Variants in HECA observed in about 807,000 individuals in gnomAD.
HECA encodes headcase protein homolog.
HECA carries 13 observed loss-of-function variants against 37.6 expected under a neutral mutation model. That is an observed-to-expected ratio of 0.35 (90% CI 0.23 to 0.55). HECA has a LOEUF of 0.55. Ranked by LOEUF, HECA falls within the 20% of genes least tolerant of loss-of-function variation. HECA has a pLI of 0.90. For synonymous variants in HECA, 307 were observed against 291.5 expected, an observed-to-expected ratio of 1.05 and a Z score of -0.54; for missense variants, 527 against 701.9, an observed-to-expected ratio of 0.75 and a Z score of 2.82.
In HECA at chr6:139,176,812, A is replaced by T. The variant is rs1582952524; in HGVS notation, c.1468-129A>T. On this transcript the variant is annotated intron_variant, in intron 3 of 3. Transcript: ENST00000367658. The surrounding 1 kb of genome is among the most constrained non-coding windows in gnomAD (Gnocchi z 4.5). ...AGTCTTTCAGGTATACCCCGTTTCC[A>T]TGTTTTTGGTAGTAAAAGGGATGCT... is the stretch of plus-strand genomic sequence containing the variant. The T allele has an allele frequency of 6.2e-6, 4 of 643,354 alleles. No homozygotes were observed. The highest frequency in any genetic ancestry group is 1.1e-5 in the Non-Finnish European group (4 of 360,674). 39.9% of individuals were successfully genotyped at this position (643,354 alleles called of 1,614,324 possible). A position where few individuals can be genotyped will look rare whatever the true frequency, so the allele number is the denominator to read the frequency against.
intron 1 of HECA, among the ~76,000 whole-genome samples, chr6:139,147,424 G>A (rs571245901): frequency 1.3e-4 from 20 of 152,028 alleles, no homozygotes; most frequent in Admixed American, 1.0e-3. Context: ...CCAGGAGTTC[G>A]AAACCAGCCT....
intron 1 of HECA, among the ~76,000 whole-genome samples, chr6:139,138,253 TC>T (rs558958600): frequency 6.6e-6 from 1 of 152,194 alleles, no homozygotes; most frequent in Non-Finnish European, 1.5e-5. Flanking sequence ...ATTCTCAAAA[TC>T]AACTAAGGAC....
At chr6:139,171,751 C>T (rs746034440) in intron 2 of HECA, among the ~76,000 whole-genome samples, 1 of 152,118 alleles carries the variant, frequency 6.6e-6, no homozygotes, top group Non-Finnish European at 1.5e-5. Flanking sequence ...CCCAGCTTCT[C>T]CAGTAGCTAG....
At chr6:139,160,554 T>C (rs991066898) in intron 1 of HECA, among the ~76,000 whole-genome samples, 1 of 152,160 alleles carries the variant, frequency 6.6e-6, no homozygotes. Flanking sequence ...GCTGGGACTA[T>C]AGGCACATGC....
At chr6:139,143,459 T>TC (rs1339905939) in intron 1 of HECA, among the ~76,000 whole-genome samples, 1 of 152,174 alleles carries the variant, frequency 6.6e-6, no homozygotes, top group African/African-American at 2.4e-5. Flanking sequence ...TATCTACTCT[T>TC]CCCCCATCTT....
intron 1 of HECA, among the ~76,000 whole-genome samples, chr6:139,163,438 T>G (rs775031052): frequency 2.4e-4 from 36 of 151,198 alleles, no homozygotes; most frequent in Non-Finnish European, 5.9e-5. Flanking sequence ...CACTACAACC[T>G]TCGTCTTCCA....
intron 1 of HECA, among the ~76,000 whole-genome samples, chr6:139,160,000 C>T (rs1438337798): frequency 1.3e-5 from 2 of 152,188 alleles, no homozygotes; most frequent in African/African-American, 2.4e-5. Context: ...TGTGATCCTC[C>T]TCTTTCAATA....
In HECA at chr6:139,178,757, G is replaced by A. The variant is rs1410264300; in HGVS notation, c.*1652G>A. 6.6e-6 allele frequency: 1 copy of A among 151,992 alleles called. No homozygotes were observed. The highest frequency in any genetic ancestry group is 1.5e-5 in the Non-Finnish European group (1 of 68,040). The allele number at this position is 151,992 out of a possible 1,614,324, so 9.4% of individuals were successfully genotyped here. On this transcript the variant is annotated 3_prime_UTR_variant, in exon 4 of 4. Coordinates refer to ENST00000367658, the MANE Select transcript of HECA (RefSeq NM_016217.3). ...ACCCGGCTAATTTTTTGTATTTTTAGTAGAGACAGCGTTTCACCATGTTAG... is the reference window on the plus strand; with the variant it reads ...ACCCGGCTAATTTTTTGTATTTTTAATAGAGACAGCGTTTCACCATGTTAG...
intron 1 of HECA, among the ~76,000 whole-genome samples, chr6:139,158,458 G>A (rs576233193): frequency 4.6e-4 from 69 of 149,430 alleles, no homozygotes; most frequent in Non-Finnish European, 7.8e-4. Flanking sequence ...AGCAGAGATC[G>A]TGCCACTGCA....
chr6:139,157,242 G>C (rs9399274), intron 1 of HECA, among the ~76,000 whole-genome samples: 83,130 of 151,954 alleles, frequency 0.55, 23,661 homozygotes, highest in Non-Finnish European at 0.59. Flanking sequence ...TCACCATTTT[G>C]GGTTTGGTCG....
At chr6:139,149,478 T>C (rs1235086688) in intron 1 of HECA, among the ~76,000 whole-genome samples, 1 of 152,232 alleles carries the variant, frequency 6.6e-6, no homozygotes, top group African/African-American at 2.4e-5. Context: ...TTTTTGGTTC[T>C]CTGTTTGTAA....
At chr6:139,147,406 A>C (rs1774597920) in intron 1 of HECA, among the ~76,000 whole-genome samples, 1 of 152,024 alleles carries the variant, frequency 6.6e-6, no homozygotes, top group Non-Finnish European at 1.5e-5. Context: ...TGGGTGAAAC[A>C]CTTGAGTCCA....
chr6:139,173,707 C>T (rs567830579), intron 2 of HECA, among the ~76,000 whole-genome samples: 84 of 152,314 alleles, frequency 5.5e-4, no homozygotes, highest in Non-Finnish European at 1.1e-3. Context: ...ACTAGGATGA[C>T]ATCTTTCCTT....
At chr6:139,140,705 T>C in intron 1 of HECA, among the ~76,000 whole-genome samples, 1 of 152,250 alleles carries the variant, frequency 6.6e-6, no homozygotes. Context: ...GGCTTTTAGC[T>C]ATGAATAATT....
At chr6:139,161,493 T>C (rs1774801702) in intron 1 of HECA, among the ~76,000 whole-genome samples, 1 of 152,270 alleles carries the variant, frequency 6.6e-6, no homozygotes, top group South Asian at 2.1e-4. Context: ...TGTGGTACCT[T>C]GTCTGTGTTC....
chr6:139,166,170 G>A (rs1288665601), intron 1 of HECA, 114 bp from the exon 2 acceptor site: 1 of 826,828 alleles, frequency 1.2e-6, no homozygotes, highest in Non-Finnish European at 1.9e-6. Flanking sequence ...CCCTGGAACT[G>A]CCTTTCATTA....
rs145135147 is a variant in HECA, at chr6:139,172,436, G to A, written c.1313-1949G>A. Among the ~76,000 whole-genome samples the A allele has an allele frequency of 6.6e-5, 10 of 152,128 alleles. No individual in the cohort carries two copies. In the East Asian group the frequency reaches 1.9e-3, roughly 29 times the overall value. On this transcript the variant is annotated intron_variant, in intron 2 of 3. Coordinates refer to ENST00000367658, the MANE Select transcript of HECA (RefSeq NM_016217.3). ...CCTTTACCACTCACTGCCCTCCCCG[G>A]ACCCTGTCTCTGGACTTCGTTTGCT...
chr6:139,171,596 C>G (rs749379594), intron 2 of HECA, among the ~76,000 whole-genome samples: 4 of 152,186 alleles, frequency 2.6e-5, no homozygotes, highest in African/African-American at 4.8e-5. Context: ...TCACCAATTA[C>G]TGACCACACA....
At chr6:139,153,577 C>T (rs535274366) in intron 1 of HECA, among the ~76,000 whole-genome samples, 51 of 152,164 alleles carry the variant, frequency 3.4e-4, no homozygotes, top group African/African-American at 1.2e-3. Context: ...CACGTGCCAC[C>T]ATGCCCATCT....
Sources: gnomAD v4.1 joint callset for allele counts (sites outside exome capture counted in the v4.1 genomes callset) on GRCh38, gnomAD v4.1.1 for gene constraint, Gnocchi (gnomAD v3.1) non-coding constraint, MANE v1.5 for transcripts, NCBI Gene and HGNC (gene_info 2026-07-23, HGNC 2026-07-21) for gene names.